The following CACNG1 variants were observed in gnomAD, a reference collection of about 807,000 sequenced individuals.
CACNG1 encodes voltage-dependent calcium channel gamma-1 subunit.
A neutral mutation model predicts 22.0 loss-of-function variants in CACNG1; 21 were observed. The ratio of observed to expected loss-of-function variants is 0.95; its 90% CI spans 0.68 to 1.37. The LOEUF (loss-of-function observed/expected upper bound fraction) is 1.37, where lower values mean the gene tolerates loss of function less well. CACNG1 is among the 40% of genes most tolerant of loss of function. The probability of loss-of-function intolerance (pLI) is 0.00; values close to 1 mark genes in which losing one functional copy is unlikely to be tolerated. For missense variants in CACNG1, 291 were observed against 308.6 expected (o/e 0.94, Z 0.43); for synonymous variants, 127 against 129.2 (o/e 0.98, Z 0.12).
intron 1 of CACNG1, among the ~76,000 whole-genome samples, chr17:67,049,193 G>A (rs2035714025): frequency 6.6e-6 from 1 of 152,120 alleles, no homozygotes; most frequent in African/African-American, 2.4e-5. Flanking sequence ...CACATATGAG[G>A]AATCCTTAAT....
intron 1 of CACNG1, among the ~76,000 whole-genome samples, chr17:67,050,096 C>T (rs996955527): frequency 6.6e-6 from 1 of 152,260 alleles, no homozygotes; most frequent in Non-Finnish European, 1.5e-5. Flanking sequence ...TGAAGTGCTG[C>T]TTCTTTCAGA....
intron 1 of CACNG1, among the ~76,000 whole-genome samples, chr17:67,045,277 C>T (rs1029129693): frequency 3.2e-4 from 48 of 152,292 alleles, no homozygotes; most frequent in Admixed American, 2.0e-3. Context: ...ATGGGGCTGG[C>T]AGGTTTGTTC....
intron 1 of CACNG1, among the ~76,000 whole-genome samples, chr17:67,047,708 T>C (rs1019063866): frequency 5.9e-5 from 9 of 152,148 alleles, no homozygotes; most frequent in African/African-American, 1.9e-4. Context: ...AGGCAGTAGA[T>C]AACAGTTAGG....
chr17:67,054,135 C>T lies in CACNG1; in HGVS notation c.304+65C>T, dbSNP rs2035744258. On this transcript the variant is annotated intron_variant, in intron 2 of 3. Transcript: ENST00000226021. This position sits in a 1 kb window ranked among gnomAD's most constrained non-coding sequence, Gnocchi z 4.6. ...GACTTCTGTGTTGTGCACCACTGGG[C>T]CAGAAAGTCATTGGCAAAAGCACTG... 7.7e-7 allele frequency: 1 copy of T among 1,303,692 alleles called. No homozygotes were observed. Among genetic ancestry groups the T allele is most frequent in the Non-Finnish European group, 1.1e-6 (1 of 897,906 alleles). 80.8% of individuals were successfully genotyped at this position (1,303,692 alleles called of 1,614,324 possible).
intron 1 of CACNG1, among the ~76,000 whole-genome samples, chr17:67,045,507 C>A (rs1251140779): frequency 6.6e-6 from 1 of 151,066 alleles, no homozygotes; most frequent in Non-Finnish European, 1.5e-5. Flanking sequence ...TGTAGGTGAG[C>A]CACCTGCCCC....
chr17:67,054,443 C>T lies in CACNG1; in HGVS notation c.304+373C>T, dbSNP rs536137207. On this transcript the variant is annotated intron_variant, in intron 2 of 3. Transcript: ENST00000226021. This position sits in a 1 kb window ranked among gnomAD's most constrained non-coding sequence, Gnocchi z 4.6. ...GAGTCTGCAGGGACAGTCTGAGTCC[C>T]TCCCTGGCCTAGAAATCCCTCCCTG... Among the ~76,000 whole-genome samples the T allele has an allele frequency of 1.4e-4, 21 of 152,336 alleles. No individual in the cohort carries two copies. Among genetic ancestry groups the T allele is most frequent in the African/African-American group, 5.1e-4 (21 of 41,584 alleles).
chr17:67,056,071 G>A lies in CACNG1; in HGVS notation c.469G>A (p.Val157Ile). 1 of 1,612,592 alleles carries A rather than the reference G, an allele frequency of 6.2e-7. No homozygotes were observed. The highest frequency in any genetic ancestry group is 1.1e-5 in the South Asian group (1 of 91,064). Residue 157 changes from valine (V) to isoleucine (I), a missense_variant, in exon 4 of 4, where the codon GTC becomes ATC. Physicochemically the swap from Val to Ile is conservative, Grantham distance 29. Coordinates refer to ENST00000226021, the MANE Select transcript of CACNG1 (RefSeq NM_000727.4). The surrounding 1 kb of genome is among the most constrained non-coding windows in gnomAD (Gnocchi z 4.3). ...AGLCILVSVE[V>I]MRQSVKRMID... ...TCTCTGCATCCTCGTCTCGGTGGAG[G>A]TCATGCGGCAGTCGGTGAAGCGCAT...
intron 1 of CACNG1, among the ~76,000 whole-genome samples, chr17:67,048,815 T>C (rs758023172): frequency 7.2e-5 from 11 of 152,126 alleles, no homozygotes; most frequent in Admixed American, 3.3e-4. Context: ...CAATGGCATA[T>C]CTGAGCAGGC....
In CACNG1 at chr17:67,056,420, T is replaced by A; in HGVS notation, c.*149T>A. On this transcript the variant is annotated 3_prime_UTR_variant, in exon 4 of 4. Coordinates refer to ENST00000226021, the MANE Select transcript of CACNG1 (RefSeq NM_000727.4). This position sits in a 1 kb window ranked among gnomAD's most constrained non-coding sequence, Gnocchi z 4.3. Reference sequence around the variant, plus strand: ...ACAGTCGCAGGCTGCTTCCTCTCTCTGAGTTCCTCTGGGCTGCCGCAGGCT... The same window carrying A: ...ACAGTCGCAGGCTGCTTCCTCTCTCAGAGTTCCTCTGGGCTGCCGCAGGCT... 1.5e-6 allele frequency: 1 copy of A among 661,276 alleles called. No individual in the cohort carries two copies. Among genetic ancestry groups the A allele is most frequent in the Non-Finnish European group, 2.6e-6 (1 of 388,186 alleles). The allele number at this position is 661,276 out of a possible 1,614,324, so 41.0% of individuals were successfully genotyped here. A position where few individuals can be genotyped will look rare whatever the true frequency, so the allele number is the denominator to read the frequency against.
chr17:67,052,630 C>T (rs1359630992), intron 1 of CACNG1, among the ~76,000 whole-genome samples: 1 of 152,080 alleles, frequency 6.6e-6, no homozygotes, highest in Non-Finnish European at 1.5e-5. Flanking sequence ...CACTGATCCA[C>T]AGGAAAAGAA....
Position 67,044,736 on chromosome 17 carries a change from G to A in CACNG1, c.76G>A (p.Ala26Thr), listed in dbSNP as rs1185362675. ...GGCAGGCATCGTGCTGGCCATGACA[G>A]CCGTGGTAACCGACCACTGGGCTGT... ...ILAGIVLAMT[A>T]VVTDHWAVLS... The change falls in exon 1 of 4, where the codon GCC becomes ACC. Residue 26 changes from alanine (A) to threonine (T), a missense_variant. Coordinates refer to ENST00000226021, the MANE Select transcript of CACNG1 (RefSeq NM_000727.4). This position sits in a 1 kb window ranked among gnomAD's most constrained non-coding sequence, Gnocchi z 6.9. 2 of 1,612,748 alleles carry A rather than the reference G, an allele frequency of 1.2e-6. No homozygotes were observed. The highest frequency in any genetic ancestry group is 1.7e-6 in the Non-Finnish European group (2 of 1,180,018).
chr17:67,053,982 C>G lies in CACNG1; in HGVS notation c.230-14C>G. 2 of 1,610,976 alleles carry G rather than the reference C, an allele frequency of 1.2e-6. No homozygotes were observed. Among genetic ancestry groups the G allele is most frequent in the Non-Finnish European group, 1.7e-6 (2 of 1,177,078 alleles). On this transcript the variant is annotated splice_polypyrimidine_tract_variant and intron_variant, in intron 1 of 3. Transcript: ENST00000226021. ...TTGCTCCCCTCAACTCACAGTCTGT[C>G]TCCTCCTTTGCAGAGAAGAACTGTT...
chr17:67,054,378 C>T lies in CACNG1; in HGVS notation c.304+308C>T, dbSNP rs775010526. Among the ~76,000 whole-genome samples, 5 of 152,118 alleles carry T rather than the reference C, an allele frequency of 3.3e-5. No homozygotes were observed. Among genetic ancestry groups the T allele is most frequent in the Non-Finnish European group, 7.4e-5 (5 of 68,014 alleles). ...GAGGTGTGGATGTGGAACAAATGCTCAGAAGCCCCGTGGTGGCTCTTGGTG... is the reference window on the plus strand; with the variant it reads ...GAGGTGTGGATGTGGAACAAATGCTTAGAAGCCCCGTGGTGGCTCTTGGTG... On this transcript the variant is annotated intron_variant, in intron 2 of 3. Coordinates refer to ENST00000226021, the MANE Select transcript of CACNG1 (RefSeq NM_000727.4). The surrounding 1 kb of genome is among the most constrained non-coding windows in gnomAD (Gnocchi z 4.6).
chr17:67,045,707 G>GGCTGGTCTCGA (rs1262063643), intron 1 of CACNG1, among the ~76,000 whole-genome samples: 2 of 152,002 alleles, frequency 1.3e-5, no homozygotes, highest in Non-Finnish European at 1.5e-5. Context: ...ACTTTCAGTA[G>GGCTGGTCTCGA]AGACGGGGTT....
At chr17:67,047,886 A>G (rs1200878310) in intron 1 of CACNG1, among the ~76,000 whole-genome samples, 1 of 151,964 alleles carries the variant, frequency 6.6e-6, no homozygotes, top group African/African-American at 2.4e-5. Context: ...TTATCTTGAG[A>G]CTCTGTTCAA....
chr17:67,051,756 C>T (rs1412342515), intron 1 of CACNG1, among the ~76,000 whole-genome samples: 2 of 152,240 alleles, frequency 1.3e-5, no homozygotes, highest in Admixed American at 1.3e-4. Context: ...TCTATCCAAG[C>T]AGCCAGCAGC....
In CACNG1 at chr17:67,045,802, C is replaced by T. The variant is rs527706159; in HGVS notation, c.229+913C>T. ...CCTCCCAGAGTGCTGGGATTACAGA[C>T]GTGAGCCACCATGCCCGACCTCCAC... is the stretch of plus-strand genomic sequence containing the variant. On this transcript the variant is annotated intron_variant, in intron 1 of 3. Coordinates refer to ENST00000226021, the MANE Select transcript of CACNG1 (RefSeq NM_000727.4). Among the ~76,000 whole-genome samples the T allele has an allele frequency of 1.3e-3, 192 of 152,068 alleles. 1 individual carries two copies. Among genetic ancestry groups the T allele is most frequent in the African/African-American group, 4.3e-3 (179 of 41,490 alleles).
chr17:67,050,868 G>T (rs183670077), intron 1 of CACNG1, among the ~76,000 whole-genome samples: 10 of 152,172 alleles, frequency 6.6e-5, no homozygotes, highest in Non-Finnish European at 1.0e-4. Flanking sequence ...TTTTTAAACC[G>T]CTGAGTCTTA....
In CACNG1 at chr17:67,044,831, T is replaced by A. The variant is rs755394154; in HGVS notation, c.171T>A (p.Cys57Ter). The A allele has an allele frequency of 6.2e-7, 1 of 1,613,368 alleles. No individual in the cohort carries two copies. The highest frequency in any genetic ancestry group is 8.5e-7 in the Non-Finnish European group (1 of 1,180,030). Residue 57 changes from cysteine (C) to a stop codon, truncating the protein, a stop_gained, in exon 1 of 4, where the codon TGT becomes TGA. Coordinates refer to ENST00000226021, the MANE Select transcript of CACNG1 (RefSeq NM_000727.4). LOFTEE classifies it high-confidence loss of function. This position sits in a 1 kb window ranked among gnomAD's most constrained non-coding sequence, Gnocchi z 6.9. ...EAAHFGLWRICTKRIPMDDSK... is the reference protein window; with the variant it reads ...EAAHFGLWRI Reference sequence around the variant, plus strand: ...CCCACTTCGGCCTCTGGCGGATTTGTACCAAGCGCATCCCCATGGACGACA... The same window carrying A: ...CCCACTTCGGCCTCTGGCGGATTTGAACCAAGCGCATCCCCATGGACGACA...
Sources: allele counts gnomAD v4.1 joint callset (sites outside exome capture counted in the v4.1 genomes callset), GRCh38; gene constraint gnomAD v4.1.1; non-coding constraint Gnocchi (gnomAD v3.1); transcripts MANE v1.5; gene names NCBI Gene and HGNC (gene_info 2026-07-23, HGNC 2026-07-21).